MLLT6: variants seen among roughly 807,000 people sequenced by gnomAD.
The protein encoded by MLLT6 is MLLT6, PHD finger containing, also known as protein AF-17.
MLLT6 carries 22 observed loss-of-function variants against 103.0 expected under a neutral mutation model. The ratio of observed to expected loss-of-function variants is 0.21; its 90% CI spans 0.15 to 0.31. MLLT6 has a LOEUF of 0.31. MLLT6 is among the 10% of genes least tolerant of loss of function. The pLI is 1.00. For synonymous variants in MLLT6, 606 were observed against 623.5 expected (o/e 0.97, Z 0.42); for missense variants, 1,199 against 1,441.7 (o/e 0.83, Z 2.73).
chr17:38,707,979 G>A (rs1905002503), intron 4 of MLLT6, 107 bp downstream of exon 4: 2 of 766,054 alleles, frequency 2.6e-6, no homozygotes, highest in South Asian at 3.2e-5. Flanking sequence ...AGCACTGAAA[G>A]GGAACTTGGG....
intron 8 of MLLT6, 79 bp from the exon 9 acceptor site, chr17:38,715,533 C>T: frequency 6.7e-7 from 1 of 1,489,976 alleles, no homozygotes; most frequent in Non-Finnish European, 8.9e-7. Context: ...GGTCCTGTGC[C>T]CTCCTGCTTC....
Position 38,727,152 on chromosome 17 carries a change from T to A in MLLT6, c.*1554T>A, listed in dbSNP as rs1261585969. 16 of 230,644 alleles carry A rather than the reference T, an allele frequency of 6.9e-5. No individual in the cohort carries two copies. The East Asian group carries it at 9.7e-4, about 14-fold the overall frequency. The allele number at this position is 230,644 out of a possible 1,614,324, so 14.3% of individuals were successfully genotyped here. A position where few individuals can be genotyped will look rare whatever the true frequency, so the allele number is the denominator to read the frequency against. On this transcript the variant is annotated 3_prime_UTR_variant, in exon 20 of 20. Coordinates refer to ENST00000621332, the MANE Select transcript of MLLT6 (RefSeq NM_005937.4). ...TGTTGGGTTTTTTTTTTTTTTTTAA[T>A]AAAGAAAAGAAGATGTGTATATTTT...
chr17:38,708,126 T>C, intron 4 of MLLT6: 1 of 527,998 alleles, frequency 1.9e-6, no homozygotes, highest in Non-Finnish European at 3.4e-6. Flanking sequence ...CATTCATTCA[T>C]TCGCTGGACA....
chr17:38,724,211 G>T lies in MLLT6; in HGVS notation c.2884-409G>T. ...GTGGAGGTTGCAGTCAGCCAATATC[G>T]CACCACTGTACTCCAGCCTGGGTGA... On this transcript the variant is annotated intron_variant, in intron 18 of 19. Transcript: ENST00000621332. The surrounding 1 kb of genome is among the most constrained non-coding windows in gnomAD (Gnocchi z 5.4). 6.2e-6 allele frequency: 1 copy of T among 161,354 alleles called. No homozygotes were observed. The highest frequency in any genetic ancestry group is 1.3e-5 in the Non-Finnish European group (1 of 74,572). 10.0% of individuals were successfully genotyped at this position (161,354 alleles called of 1,614,324 possible). A position where few individuals can be genotyped will look rare whatever the true frequency, so the allele number is the denominator to read the frequency against.
chr17:38,715,220 C>CA, intron 8 of MLLT6: 1 of 173,706 alleles, frequency 5.8e-6, no homozygotes, highest in South Asian at 1.6e-4. Context: ...TGTGGGTCCT[C>CA]TTCTCTGCCT....
At chr17:38,712,450 A>T (rs750022455) in intron 7 of MLLT6, among the ~76,000 whole-genome samples, 7 of 152,166 alleles carry the variant, frequency 4.6e-5, no homozygotes, top group Non-Finnish European at 1.0e-4. Context: ...GCTCTATAGC[A>T]CTGGCGTGAT....
In MLLT6 at chr17:38,709,495, G is replaced by A. The variant is rs1254397928; in HGVS notation, c.472G>A (p.Gly158Ser). The A allele has an allele frequency of 1.2e-6, 2 of 1,614,218 alleles. No homozygotes were observed. The part of the protein sequence containing the change: ...AFHVTCAQMA[G>S]LLCEEEVLEV... ...TTCTCTGGTTAGTGCCCAAATGGCA[G>A]GCTTGCTGTGTGAGGAAGAAGTGCT... The change falls in exon 6 of 20, where the codon GGC (glycine) becomes AGC (serine). Residue 158 changes from glycine to serine, a missense_variant. Gly to Ser is a moderately conservative substitution (Grantham distance 56, BLOSUM62 0). This residue lies in a region of MLLT6 where 59 missense variants were observed against 135.1 expected (regional missense o/e 0.44). Coordinates refer to ENST00000621332, the MANE Select transcript of MLLT6 (RefSeq NM_005937.4). The surrounding 1 kb of genome is among the most constrained non-coding windows in gnomAD (Gnocchi z 4.3).
chr17:38,725,167 G>C, intron 19 of MLLT6, 191 bp downstream of exon 19: 1 of 561,648 alleles, frequency 1.8e-6, no homozygotes, highest in Non-Finnish European at 3.1e-6. Context: ...AGAAAGATCC[G>C]ATCTGAGCAT....
chr17:38,708,583 G>A (rs1365376267), intron 4 of MLLT6, among the ~76,000 whole-genome samples: 1 of 152,200 alleles, frequency 6.6e-6, no homozygotes, highest in Non-Finnish European at 1.5e-5. Flanking sequence ...TCGGCCACAC[G>A]TGGCTACATA....
intron 4 of MLLT6, among the ~76,000 whole-genome samples, chr17:38,708,906 A>AAAT (rs1200096674): frequency 6.6e-6 from 1 of 152,230 alleles, no homozygotes; most frequent in Non-Finnish European, 1.5e-5. Flanking sequence ...TCAAATAAAT[A>AAAT]AATAAAAATA....
intron 19 of MLLT6, chr17:38,725,354 C>T (rs993167511): frequency 2.4e-5 from 14 of 579,710 alleles, no homozygotes; most frequent in East Asian, 6.3e-5. Flanking sequence ...CACATGCCCA[C>T]GCAGCCCGGT....
Position 38,709,587 on chromosome 17 carries a change from C to G in MLLT6, c.552+12C>G. ...ACTTCAGCAAGATGGTGAGTCCTGGCGACCAGCGCATGAGCGGGTCAGTCA... is the reference window on the plus strand; with the variant it reads ...ACTTCAGCAAGATGGTGAGTCCTGGGGACCAGCGCATGAGCGGGTCAGTCA... On this transcript the variant is annotated intron_variant, in intron 6 of 19. Transcript: ENST00000621332. This position sits in a 1 kb window ranked among gnomAD's most constrained non-coding sequence, Gnocchi z 4.3. 1 of 1,604,754 alleles carries G rather than the reference C, an allele frequency of 6.2e-7. No individual in the cohort carries two copies.
Position 38,716,228 on chromosome 17 carries a change from A to G in MLLT6, c.1037-139A>G. ...GGGTCGGGGGTACTCATCCCAGGAC[A>G]CAGACAGTGGCAGAGCTGAGACAGG... On this transcript the variant is annotated intron_variant, in intron 9 of 19. Coordinates refer to ENST00000621332, the MANE Select transcript of MLLT6 (RefSeq NM_005937.4). The surrounding 1 kb of genome is among the most constrained non-coding windows in gnomAD (Gnocchi z 5.6). 1.1e-6 allele frequency: 1 copy of G among 893,124 alleles called. No homozygotes were observed. Among genetic ancestry groups the G allele is most frequent in the South Asian group, 1.7e-5 (1 of 57,806 alleles). 55.3% of individuals were successfully genotyped at this position (893,124 alleles called of 1,614,324 possible).
At chr17:38,706,839 C>CA in intron 1 of MLLT6, 111 bp from the exon 2 acceptor site, 1 of 805,066 alleles carries the variant, frequency 1.2e-6, no homozygotes, top group Non-Finnish European at 2.0e-6. Flanking sequence ...GGAGCAGCCC[C>CA]CACTGCTGGA....
chr17:38,708,856 C>G (rs903228963), intron 4 of MLLT6, among the ~76,000 whole-genome samples: 1 of 152,146 alleles, frequency 6.6e-6, no homozygotes, highest in Admixed American at 6.5e-5. Flanking sequence ...CGAGATCGTG[C>G]CACTGCACTC....
chr17:38,721,319 CTT>C (rs1352789977), intron 16 of MLLT6, among the ~76,000 whole-genome samples: 1 of 152,190 alleles, frequency 6.6e-6, no homozygotes, highest in African/African-American at 2.4e-5. Context: ...CACACTTGCC[CTT>C]TGTCATGCCC....
chr17:38,712,028 CCCACCTG>C lies in MLLT6; in HGVS notation c.720+18_720+24del, dbSNP rs1425378337. The stretch of plus-strand genomic sequence containing the variant: ...GGCCAGAAGAAGGTAGAAGTCCTCC[CCCACCTG>C]CCATCACTCCCACACGGGGACTTGG... On this transcript the variant is annotated intron_variant, in intron 7 of 19. Coordinates refer to ENST00000621332, the MANE Select transcript of MLLT6 (RefSeq NM_005937.4). 3 of 1,535,954 alleles carry C rather than the reference CCCACCTG, an allele frequency of 2.0e-6. No individual in the cohort carries two copies. In the African/African-American group the frequency reaches 4.1e-5, roughly 21 times the overall value.
In MLLT6 at chr17:38,705,693, C is replaced by A; in HGVS notation, c.61C>A (p.Pro21Thr). The A allele has an allele frequency of 6.4e-7, 1 of 1,567,440 alleles. No homozygotes were observed. ...GGACGAGAGGGGCTGGGCCGAGAACCCGCTGGTCTACTGCGATGGGCACGC... is the reference window on the plus strand; with the variant it reads ...GGACGAGAGGGGCTGGGCCGAGAACACGCTGGTCTACTGCGATGGGCACGC... ...CSDERGWAEN[P>T]LVYCDGHACS... Residue 21 changes from proline (P) to threonine (T), a missense_variant, in exon 1 of 20, where the codon CCG (proline) becomes ACG (threonine). By Grantham distance (38) the Pro-to-Thr change is conservative (BLOSUM62 -1). Around this residue, in one of 7 missense-constraint regions of MLLT6, gnomAD observed 24 missense variants for 38.7 expected, o/e 0.62. Coordinates refer to ENST00000621332, the MANE Select transcript of MLLT6 (RefSeq NM_005937.4).
chr17:38,724,676 G>A lies in MLLT6; in HGVS notation c.2940G>A (p.Leu980=). The A allele has an allele frequency of 6.2e-7, 1 of 1,612,482 alleles. No homozygotes were observed. The highest frequency in any genetic ancestry group is 8.5e-7 in the Non-Finnish European group (1 of 1,179,398). Residue 980 remains leucine (L), a synonymous_variant, in exon 19 of 20, where the codon CTG becomes CTA. Transcript: ENST00000621332. This position sits in a 1 kb window ranked among gnomAD's most constrained non-coding sequence, Gnocchi z 5.4. ...MIQQIQQKRE[L]QRLQMAGGSQ... ...AGCAGATCCAGCAGAAACGGGAGCT[G>A]CAGCGCCTGCAGATGGCTGGGGGCT...
Sources: gnomAD v4.1 joint callset for allele counts (sites outside exome capture counted in the v4.1 genomes callset) on GRCh38, gnomAD v4.1.1 for gene constraint, gnomAD v4.1.1 regional missense constraint, Gnocchi (gnomAD v3.1) non-coding constraint, MANE v1.5 for transcripts, NCBI Gene and HGNC (gene_info 2026-07-23, HGNC 2026-07-21) for gene names.